NPHP4: variants seen among roughly 807,000 people sequenced by gnomAD.
NPHP4 encodes the protein nephrocystin-4.
A neutral mutation model predicts 155.8 loss-of-function variants in NPHP4; 151 were observed. The observed-to-expected ratio is 0.97, with a 90% CI of 0.85 to 1.11. NPHP4 has a LOEUF of 1.11. NPHP4 is among the 50% of genes least tolerant of loss of function. NPHP4 has a pLI of 0.00. For missense variants in NPHP4, 1,956 were observed against 1,925.7 expected, an observed-to-expected ratio of 1.02 and a Z score of -0.29; for synonymous variants, 845 against 816.8, an observed-to-expected ratio of 1.03 and a Z score of -0.59.
intron 1 of NPHP4, among the ~76,000 whole-genome samples, chr1:5,991,997 C>T (rs1440049288): frequency 7.4e-6 from 1 of 134,670 alleles, no homozygotes; most frequent in African/African-American, 3.1e-5. Context: ...AGCCAAACGG[C>T]ACCCAGCGGC....
chr1:5,972,038 G>T (rs1652664772), intron 3 of NPHP4, among the ~76,000 whole-genome samples: 1 of 152,248 alleles, frequency 6.6e-6, no homozygotes, highest in African/African-American at 2.4e-5. Context: ...CGCAGTGATG[G>T]AAGTGGAATT....
intron 9 of NPHP4, among the ~76,000 whole-genome samples, chr1:5,939,424 G>A (rs1331170969): frequency 6.6e-6 from 1 of 152,034 alleles, no homozygotes; most frequent in Admixed American, 6.6e-5. Context: ...GCCCTCTGGA[G>A]CAAGTCTGGG....
In NPHP4 at chr1:5,961,798, T is replaced by C. The variant is rs183537107; in HGVS notation, c.669A>G (p.Glu223=). The change falls in exon 6 of 30, where the codon GAA becomes GAG. Residue 223 remains glutamate, a synonymous_variant. Transcript: ENST00000378156. The stretch of plus-strand genomic sequence containing the variant: ...GAGAATCAAAGACGCCCTTACCGGA[T>C]TCTCCATGAGCTGGAAGCAGGCCAG... ...QIPGLLPAHG[E]SGDALRKPRL... The C allele has an allele frequency of 4.0e-5, 65 of 1,611,748 alleles. No homozygotes were observed. The highest frequency in any genetic ancestry group is 5.3e-5 in the Non-Finnish European group (63 of 1,178,906).
Position 5,961,193 on chromosome 1 carries a change from A to G in NPHP4, c.673+601T>C, listed in dbSNP as rs558237745. On this transcript the variant is annotated intron_variant, in intron 6 of 29. Coordinates refer to ENST00000378156, the MANE Select transcript of NPHP4 (RefSeq NM_015102.5). Reference sequence around the variant, plus strand: ...ATGATCCCAGTCCTATGAGGTCCCTAGAGTCACTGAAACCATGAAGACAGA... The same window carrying G: ...ATGATCCCAGTCCTATGAGGTCCCTGGAGTCACTGAAACCATGAAGACAGA... Among the ~76,000 whole-genome samples, 9 of 152,306 alleles carry G rather than the reference A, an allele frequency of 5.9e-5. No individual in the cohort carries two copies. In the East Asian group the frequency reaches 1.2e-3, roughly 20 times the overall value.
At chr1:5,909,079 G>T (rs116830098) in intron 12 of NPHP4, 73 bp downstream of exon 12, 14 of 1,252,972 alleles carry the variant, frequency 1.1e-5, no homozygotes, top group Admixed American at 7.9e-5. Flanking sequence ...TGTGCTTAAG[G>T]GGGGACAGAG....
chr1:5,885,531 C>G (rs1031426574), intron 18 of NPHP4, among the ~76,000 whole-genome samples: 5 of 152,210 alleles, frequency 3.3e-5, no homozygotes, highest in African/African-American at 9.6e-5. Context: ...AAGCAGCCAC[C>G]AAGCATGAGG....
intron 1 of NPHP4, among the ~76,000 whole-genome samples, chr1:5,990,629 C>G (rs1656098739): frequency 6.6e-6 from 1 of 152,178 alleles, no homozygotes; most frequent in Non-Finnish European, 1.5e-5. Flanking sequence ...CAAGGTCACA[C>G]AGCTAGCTAT....
rs34438938 is a variant in NPHP4, at chr1:5,942,587, C to CAA, written c.1119+4515_1119+4516dup. ...ATATTAAAAATAAAATCATAAATGACAAAAAAAAAAAAAAAAAGCTGAGGA... is the reference window on the plus strand; with the variant it reads ...ATATTAAAAATAAAATCATAAATGACAAAAAAAAAAAAAAAAAAAGCTGAGGA... On this transcript the variant is annotated intron_variant, in intron 9 of 29. Coordinates refer to ENST00000378156, the MANE Select transcript of NPHP4 (RefSeq NM_015102.5). Among the ~76,000 whole-genome samples, 215 of 82,728 alleles carry CAA rather than the reference C, an allele frequency of 2.6e-3. 6 individuals carry two copies. The highest frequency in any genetic ancestry group is 6.9e-3 in the South Asian group (15 of 2,174). The allele number at this position is 82,728 out of a possible 152,430, so 54.3% of individuals were successfully genotyped here.
At chr1:5,868,981 CCACCCACACATGCACACACACG>C (rs1641651321) in intron 23 of NPHP4, among the ~76,000 whole-genome samples, 1 of 125,916 alleles carries the variant, frequency 7.9e-6, no homozygotes, top group Non-Finnish European at 1.7e-5. Context: ...GCACACACAT[CCACCCACACATGCACACACACG>C]CACCCATACA....
At position 5,890,762 on chromosome 1, in the gene NPHP4, G is replaced by T; in HGVS notation, c.2304+106C>A. The stretch of plus-strand genomic sequence containing the variant: ...GAACAAAGAAGGTCAAACAAGTCCT[G>T]TGCGGGATAGCGCCCGCTCCTTCCA... On this transcript the variant is annotated intron_variant, in intron 17 of 29. Coordinates refer to ENST00000378156, the MANE Select transcript of NPHP4 (RefSeq NM_015102.5). This position sits in a 1 kb window ranked among gnomAD's most constrained non-coding sequence, Gnocchi z 4.9. The T allele has an allele frequency of 9.7e-7, 1 of 1,032,754 alleles. No individual in the cohort carries two copies. Among genetic ancestry groups the T allele is most frequent in the Non-Finnish European group, 1.4e-6 (1 of 714,290 alleles). 64.0% of individuals were successfully genotyped at this position (1,032,754 alleles called of 1,614,324 possible).
At chr1:5,909,746 G>A (rs1192297634) in intron 11 of NPHP4, among the ~76,000 whole-genome samples, 2 of 152,146 alleles carry the variant, frequency 1.3e-5, no homozygotes, top group Non-Finnish European at 2.9e-5. Context: ...GGCGCACCTG[G>A]GGGAGGCAAG....
chr1:5,869,282 T>G (rs1292994397), intron 23 of NPHP4, among the ~76,000 whole-genome samples: 1 of 143,672 alleles, frequency 7.0e-6, no homozygotes, highest in Non-Finnish European at 1.5e-5. Context: ...CATGCATCCA[T>G]ACATGTACAC....
chr1:5,927,016 A>G (rs1481771105), intron 11 of NPHP4, among the ~76,000 whole-genome samples: 1 of 152,226 alleles, frequency 6.6e-6, no homozygotes, highest in Non-Finnish European at 1.5e-5. Flanking sequence ...TCACTTCAGT[A>G]TAGGTGGAAT....
intron 9 of NPHP4, among the ~76,000 whole-genome samples, chr1:5,943,833 CCT>C (rs1234185275): frequency 6.6e-6 from 1 of 152,100 alleles, no homozygotes; most frequent in East Asian, 1.9e-4. Flanking sequence ...ACTCCAGAGC[CCT>C]GTCTTTTGGA....
chr1:5,952,710 T>A lies in NPHP4; in HGVS notation c.800A>T (p.His267Leu), dbSNP rs201124357. 2,193 of 1,551,960 alleles carry A rather than the reference T, an allele frequency of 1.4e-3. 4 individuals are homozygous for A. Among genetic ancestry groups the A allele is most frequent in the Non-Finnish European group, 1.7e-3 (1,962 of 1,147,898 alleles). Residue 267 changes from histidine (H) to leucine (L), a missense_variant, in exon 7 of 30, where the codon CAC becomes CTC. His to Leu is a moderately conservative substitution (Grantham distance 99, BLOSUM62 -3). Transcript: ENST00000378156. ...EELLELHVQDHFQEGCGPLDG... is the reference protein window; with the variant it reads ...EELLELHVQDLFQEGCGPLDG... ...CTTCTGACTCCACACCTCCTGGAAG[T>A]GGTCCTGGACGTGGAGCTCCAGCAG... is the stretch of plus-strand genomic sequence containing the variant.
intron 2 of NPHP4, 54 bp from the exon 3 acceptor site, chr1:5,978,467 G>A (rs1654097318): frequency 2.6e-6 from 4 of 1,553,578 alleles, no homozygotes; most frequent in Admixed American, 1.9e-5. Context: ...TGAGCCAGGA[G>A]GTCACTGGCA....
chr1:5,864,122 C>T, intron 28 of NPHP4, 89 bp from the exon 29 acceptor site: 1 of 1,469,282 alleles, frequency 6.8e-7, no homozygotes, highest in Non-Finnish European at 9.3e-7. Flanking sequence ...GTCTCCTGTG[C>T]ACCGTGCACG....
Position 5,905,390 on chromosome 1 carries a change from A to G in NPHP4, c.1857T>C (p.Ala619=), listed in dbSNP as rs2101133318. The G allele has an allele frequency of 2.5e-6, 4 of 1,613,750 alleles. No individual in the cohort carries two copies. The highest frequency in any genetic ancestry group is 3.4e-6 in the Non-Finnish European group (4 of 1,179,662). The change falls in exon 15 of 30, where the codon GCT becomes GCC. Residue 619 remains alanine (A), a synonymous_variant. Transcript: ENST00000378156. The surrounding 1 kb of genome is among the most constrained non-coding windows in gnomAD (Gnocchi z 4.0). ...ILDANKQPAE[A]VSATEPVTFN... ...ACGTCACAGGTTCTGTAGCGCTGAC[A>G]GCCTCGGCTGGCTGTTTATTGGCAT...
chr1:5,991,969 G>A (rs954918709), intron 1 of NPHP4, among the ~76,000 whole-genome samples: 19 of 151,692 alleles, frequency 1.3e-4, no homozygotes, highest in Non-Finnish European at 2.2e-4. Flanking sequence ...AAGGGCAAGG[G>A]CAGAAAGGAA....
Sources: allele counts gnomAD v4.1 joint callset (sites outside exome capture counted in the v4.1 genomes callset), GRCh38; gene constraint gnomAD v4.1.1; non-coding constraint Gnocchi (gnomAD v3.1); transcripts MANE v1.5; gene names NCBI Gene and HGNC (gene_info 2026-07-23, HGNC 2026-07-21).